PTPRN2: variants seen among roughly 807,000 people sequenced by gnomAD.
PTPRN2 encodes receptor-type tyrosine-protein phosphatase N2.
In PTPRN2, 74 loss-of-function variants were observed where a neutral mutation model predicts 118.8. That is an observed-to-expected ratio of 0.62 (90% confidence interval 0.52 to 0.76). The LOEUF is 0.76. Among genes scored for constraint, PTPRN2 ranks in the 30% least tolerant of loss-of-function variants. The probability of loss-of-function intolerance (pLI) is 0.00; values close to 1 mark genes in which losing one functional copy is unlikely to be tolerated. For missense variants in PTPRN2, 1,481 were observed against 1,394.4 expected (o/e 1.06, Z -0.99); for synonymous variants, 641 against 608.0 (o/e 1.05, Z -0.80).
At chr7:158,273,156 C>T (rs112647500) in intron 3 of PTPRN2, among the ~76,000 whole-genome samples, 1,578 of 152,200 alleles carry the variant, frequency 0.01, 26 homozygotes, top group African/African-American at 0.036. Context: ...GAGTGCCCTT[C>T]GGGAGTGAGC....
At chr7:158,325,315 A>G (rs1306711701) in intron 2 of PTPRN2, among the ~76,000 whole-genome samples, 1 of 151,586 alleles carries the variant, frequency 6.6e-6, no homozygotes, top group African/African-American at 2.4e-5. Flanking sequence ...TGAACTAACC[A>G]TCTGCTTTTC....
At chr7:158,369,182 C>A (rs1311138712) in intron 2 of PTPRN2, among the ~76,000 whole-genome samples, 1 of 151,748 alleles carries the variant, frequency 6.6e-6, no homozygotes, top group African/African-American at 2.4e-5. Context: ...CCTGGACTGG[C>A]TCTCCTTGCA....
chr7:157,928,990 C>T (rs1015001552), intron 11 of PTPRN2, among the ~76,000 whole-genome samples: 6 of 152,060 alleles, frequency 3.9e-5, no homozygotes, highest in Admixed American at 1.3e-4. Flanking sequence ...ACGTCCAGAA[C>T]GTCAGGGCAG....
At chr7:158,505,158 T>C (rs571097598) in intron 1 of PTPRN2, among the ~76,000 whole-genome samples, 1 of 152,298 alleles carries the variant, frequency 6.6e-6, no homozygotes, top group South Asian at 2.1e-4. Flanking sequence ...ACCTGCCTCT[T>C]TTTTCCCACT....
intron 12 of PTPRN2, among the ~76,000 whole-genome samples, chr7:157,701,942 C>A (rs1214313103): frequency 6.7e-6 from 1 of 148,608 alleles, no homozygotes; most frequent in East Asian, 2.0e-4. Context: ...TATAAGAAAG[C>A]CCGGTCGGTG....
Position 157,900,527 on chromosome 7 carries a change from T to C in PTPRN2, c.1724-1790A>G, listed in dbSNP as rs578113750. Among the ~76,000 whole-genome samples, 33 of 152,292 alleles carry C rather than the reference T, an allele frequency of 2.2e-4. 1 individual carries two copies. The highest frequency in any genetic ancestry group is 7.5e-4 in the African/African-American group (31 of 41,582). ...GGCCCTTCAAAGCCTTTCAATGGTG[T>C]CCCCTGCAGGCATGGAGAACTTGCC... is the stretch of plus-strand genomic sequence containing the variant. On this transcript the variant is annotated intron_variant, in intron 11 of 22. Coordinates refer to ENST00000389418, the MANE Select transcript of PTPRN2 (RefSeq NM_002847.5).
intron 11 of PTPRN2, among the ~76,000 whole-genome samples, chr7:158,070,964 GC>G (rs1468955459): frequency 1.9e-5 from 2 of 107,110 alleles, no homozygotes; most frequent in African/African-American, 9.0e-5. Flanking sequence ...TGGTGGAGGT[GC>G]TCACGGTGGA....
At chr7:157,686,766 T>A (rs1015763209) in intron 12 of PTPRN2, among the ~76,000 whole-genome samples, 1 of 151,232 alleles carries the variant, frequency 6.6e-6, no homozygotes, top group African/African-American at 2.4e-5. Context: ...AGAGAAGAAG[T>A]GAGGAGGAGG....
chr7:157,975,160 C>T (rs1440896803), intron 11 of PTPRN2, among the ~76,000 whole-genome samples: 2 of 152,156 alleles, frequency 1.3e-5, no homozygotes, highest in Admixed American at 6.5e-5. Context: ...TGGGGCCCCC[C>T]AGTTCCTGCC....
intron 1 of PTPRN2, chr7:158,532,651 A>T: frequency 2.0e-6 from 1 of 507,726 alleles, no homozygotes; most frequent in Non-Finnish European, 4.2e-6. Context: ...AACCCGGGAC[A>T]TGATGTGATT....
chr7:158,346,866 C>A (rs571708048), intron 2 of PTPRN2, among the ~76,000 whole-genome samples: 1 of 152,202 alleles, frequency 6.6e-6, no homozygotes, highest in Non-Finnish European at 1.5e-5. Flanking sequence ...AGTTGAGCAT[C>A]TTTTCACATA....
At chr7:157,579,440 A>C (rs111265306) in intron 17 of PTPRN2, among the ~76,000 whole-genome samples, 1 of 152,230 alleles carries the variant, frequency 6.6e-6, no homozygotes, top group East Asian at 1.9e-4. Context: ...CTTCCATCAC[A>C]TAACAATTTA....
At position 158,426,053 on chromosome 7, in the gene PTPRN2, A is replaced by G. The variant is rs1463000926; in HGVS notation, c.163+63682T>C. 6.8e-3 allele frequency among the ~76,000 whole-genome samples: 21 copies of G among 3,078 alleles called. 2 individuals are homozygous for G. Among genetic ancestry groups the G allele is most frequent in the African/African-American group, 0.029 (5 of 174 alleles). The allele number at this position is 3,078 out of a possible 152,430, so 2.0% of individuals were successfully genotyped here. On this transcript the variant is annotated intron_variant, in intron 2 of 22. Transcript: ENST00000389418. ...TAGCTGGGGCCTGCGCACCGCCGGG[A>G]AAGACGCGGGGTCCGAGTCCAGCCT...
intron 12 of PTPRN2, among the ~76,000 whole-genome samples, chr7:157,730,295 G>A (rs574962041): frequency 3.5e-4 from 53 of 152,166 alleles, no homozygotes; most frequent in Non-Finnish European, 5.0e-4. Context: ...CGTCTTCTAC[G>A]CCAGACAAAG....
intron 11 of PTPRN2, chr7:158,027,712 CAG>C (rs895676440): frequency 6.6e-6 from 1 of 152,236 alleles, no homozygotes; most frequent in Non-Finnish European, 1.5e-5. Flanking sequence ...GAAAGCAAGA[CAG>C]AGTTTGGGAC....
intron 3 of PTPRN2, among the ~76,000 whole-genome samples, chr7:158,211,783 T>C (rs926010318): frequency 2.6e-5 from 4 of 152,334 alleles, no homozygotes; most frequent in African/African-American, 9.6e-5. Flanking sequence ...TGTAAATTAG[T>C]ACAACTATTA....
intron 17 of PTPRN2, among the ~76,000 whole-genome samples, chr7:157,584,964 A>G (rs1197820226): frequency 6.6e-6 from 1 of 152,210 alleles, no homozygotes; most frequent in Admixed American, 6.5e-5. Context: ...GCACATTTGG[A>G]CACGGTAATA....
Position 158,133,719 on chromosome 7 carries a change from G to T in PTPRN2, c.1514C>A (p.Pro505His), listed in dbSNP as rs1019468871. The T allele has an allele frequency of 2.8e-5, 45 of 1,609,926 alleles. No individual in the cohort carries two copies. Among genetic ancestry groups the T allele is most frequent in the Non-Finnish European group, 3.7e-5 (43 of 1,177,792 alleles). ...GTAGCCCCGCGCCTCTTCCTCGGAAGGCTGGACCTCCAATTGCAGGCCGTC... is the reference window on the plus strand; with the variant it reads ...GTAGCCCCGCGCCTCTTCCTCGGAATGCTGGACCTCCAATTGCAGGCCGTC... Reference protein sequence around the residue: ...LSDGLQLEVQPSEEEARGYIV... With the variant: ...LSDGLQLEVQHSEEEARGYIV... The change falls in exon 9 of 23, where the codon CCT becomes CAT. Residue 505 changes from proline (P) to histidine (H), a missense_variant. Transcript: ENST00000389418.
At chr7:157,938,190 G>A (rs1038774655) in intron 11 of PTPRN2, among the ~76,000 whole-genome samples, 9 of 152,338 alleles carry the variant, frequency 5.9e-5, no homozygotes, top group Admixed American at 5.9e-4. Context: ...TACACTTTAT[G>A]AAAGGTTTCC....
Sources: allele counts gnomAD v4.1 joint callset (sites outside exome capture counted in the v4.1 genomes callset), GRCh38; gene constraint gnomAD v4.1.1; transcripts MANE v1.5; gene names NCBI Gene and HGNC (gene_info 2026-07-23, HGNC 2026-07-21).